The following RILPL1 variants were observed in gnomAD, a reference collection of about 807,000 sequenced individuals.
RILPL1 encodes Rab interacting lysosomal protein like 1, also known as RILP-like protein 1.
RILPL1 carries 33 observed loss-of-function variants against 50.3 expected under a neutral mutation model. That is an observed-to-expected ratio of 0.66 (90% CI 0.50 to 0.88). RILPL1 has a LOEUF of 0.88. Among genes scored for constraint, RILPL1 ranks in the 40% least tolerant of loss-of-function variants. The pLI is 0.00. For synonymous variants in RILPL1, 205 were observed against 228.6 expected (o/e 0.90, Z 0.93); for missense variants, 418 against 542.5 (o/e 0.77, Z 2.28).
At chr12:123,529,502 C>G (rs1885374825) in intron 1 of RILPL1, among the ~76,000 whole-genome samples, 1 of 152,114 alleles carries the variant, frequency 6.6e-6, no homozygotes, top group Non-Finnish European at 1.5e-5. Flanking sequence ...GTCTTGACCT[C>G]CTGACCTCAA....
intron 2 of RILPL1, among the ~76,000 whole-genome samples, chr12:123,517,482 G>A (rs765323109): frequency 6.7e-6 from 1 of 149,638 alleles, no homozygotes; most frequent in Non-Finnish European, 1.5e-5. Context: ...GCGCAGCGGT[G>A]GCAATCTCGG....
chr12:123,528,933 G>C (rs906380765), intron 1 of RILPL1, among the ~76,000 whole-genome samples: 1 of 152,038 alleles, frequency 6.6e-6, no homozygotes, highest in South Asian at 2.1e-4. Context: ...TCTCCTTCAC[G>C]TTCTTCCCTC....
chr12:123,493,784 C>CT (rs34062051), intron 4 of RILPL1, among the ~76,000 whole-genome samples: 14,159 of 134,396 alleles, frequency 0.11, 839 homozygotes, highest in Non-Finnish European at 0.12. Flanking sequence ...GGCCCTGCCT[C>CT]TTTTTTTTTT....
chr12:123,514,933 C>CT (rs57468238), intron 2 of RILPL1, among the ~76,000 whole-genome samples: 406 of 145,198 alleles, frequency 2.8e-3, no homozygotes, highest in Non-Finnish European at 4.3e-3. Flanking sequence ...TACATAAATA[C>CT]TTTTTTTTTT....
At chr12:123,507,006 C>A (rs1393466005) in intron 2 of RILPL1, among the ~76,000 whole-genome samples, 1 of 152,032 alleles carries the variant, frequency 6.6e-6, no homozygotes, top group East Asian at 1.9e-4. Flanking sequence ...AAAGAAGGGG[C>A]AAGAATCCAT....
chr12:123,521,741 A>G lies in RILPL1; in HGVS notation c.460+1754T>C, dbSNP rs1182911137. The stretch of plus-strand genomic sequence containing the variant: ...TATATACACACATATATGTATATAT[A>G]TAAAAATATATATATACACACATAT... On this transcript the variant is annotated intron_variant, in intron 2 of 6. Coordinates refer to ENST00000376874, the MANE Select transcript of RILPL1 (RefSeq NM_178314.5). Among the ~76,000 whole-genome samples the G allele has an allele frequency of 2.8e-5, 4 of 142,012 alleles. No individual in the cohort carries two copies. The Admixed American group carries it at 3.0e-4, about 11-fold the overall frequency. 93.2% of individuals were successfully genotyped at this position (142,012 alleles called of 152,430 possible). A position where few individuals can be genotyped will look rare whatever the true frequency, so the allele number is the denominator to read the frequency against.
chr12:123,521,634 CATATGTGTATATATAT>C (rs1566144329), intron 2 of RILPL1, among the ~76,000 whole-genome samples: 133 of 16,212 alleles, frequency 8.2e-3, no homozygotes, highest in Middle Eastern at 0.042. Context: ...TATATACACA[CATATGTGTATATATAT>C]ACACATATAT....
Position 123,485,495 on chromosome 12 carries a change from C to G in RILPL1, c.974+138G>C, listed in dbSNP as rs761582849. On this transcript the variant is annotated intron_variant, in intron 5 of 6. Coordinates refer to ENST00000376874, the MANE Select transcript of RILPL1 (RefSeq NM_178314.5). This position sits in a 1 kb window ranked among gnomAD's most constrained non-coding sequence, Gnocchi z 4.0. Reference sequence around the variant, plus strand: ...GGGGTTGTGAGCTTGTATGTAAGTTCTTTAGGCCAGAGAGGGTACCCAAAA... The same window carrying G: ...GGGGTTGTGAGCTTGTATGTAAGTTGTTTAGGCCAGAGAGGGTACCCAAAA... 2 of 782,164 alleles carry G rather than the reference C, an allele frequency of 2.6e-6. No individual in the cohort carries two copies. Among genetic ancestry groups the G allele is most frequent in the Non-Finnish European group, 4.1e-6 (2 of 488,950 alleles). The allele number at this position is 782,164 out of a possible 1,614,324, so 48.5% of individuals were successfully genotyped here.
intron 2 of RILPL1, 137 bp downstream of exon 2, chr12:123,523,357 AC>A: frequency 2.0e-6 from 2 of 986,074 alleles, no homozygotes; most frequent in Non-Finnish European, 3.0e-6. Flanking sequence ...GTGCAAATCA[AC>A]ACAATACAGA....
At chr12:123,494,212 C>T (rs1240608093) in intron 4 of RILPL1, among the ~76,000 whole-genome samples, 1 of 152,186 alleles carries the variant, frequency 6.6e-6, no homozygotes, top group African/African-American at 2.4e-5. Flanking sequence ...AAATTGACCA[C>T]CAAAGAGATG....
chr12:123,502,727 G>A (rs1227675449), intron 2 of RILPL1, among the ~76,000 whole-genome samples: 2 of 152,350 alleles, frequency 1.3e-5, no homozygotes, highest in East Asian at 3.9e-4. Flanking sequence ...TGCTATGTCA[G>A]TTTCCTGCAC....
At chr12:123,479,473 A>G (rs1357729236) in intron 6 of RILPL1, among the ~76,000 whole-genome samples, 1 of 152,074 alleles carries the variant, frequency 6.6e-6, no homozygotes, top group Non-Finnish European at 1.5e-5. Context: ...GGAATGAAGG[A>G]TGGAAGGACG....
At chr12:123,527,576 A>T (rs1885304881) in intron 1 of RILPL1, among the ~76,000 whole-genome samples, 1 of 151,606 alleles carries the variant, frequency 6.6e-6, no homozygotes, top group African/African-American at 2.4e-5. Flanking sequence ...GGCAGAGGTT[A>T]CAGTGAGCTG....
At chr12:123,523,865 C>A (rs1885156923) in intron 1 of RILPL1, among the ~76,000 whole-genome samples, 1 of 152,254 alleles carries the variant, frequency 6.6e-6, no homozygotes, top group South Asian at 2.1e-4. Context: ...GCTGTTAGGA[C>A]CTGGCTCAGT....
Position 123,483,113 on chromosome 12 carries a change from G to C in RILPL1, c.1067+1067C>G, listed in dbSNP as rs76268319. ...ACGCCCTGTTTTCACAAAGTTTCTT[G>C]TGGGTTTTGGAGGAAAGAACTGAAA... On this transcript the variant is annotated intron_variant, in intron 6 of 6. Transcript: ENST00000376874. 3.4e-3 allele frequency among the ~76,000 whole-genome samples: 511 copies of C among 152,358 alleles called. 2 individuals carry two copies. The highest frequency in any genetic ancestry group is 0.012 in the African/African-American group (485 of 41,580).
chr12:123,505,637 T>A (rs73412272), intron 2 of RILPL1, among the ~76,000 whole-genome samples: 2,972 of 151,716 alleles, frequency 0.02, 93 homozygotes, highest in African/African-American at 0.069. Flanking sequence ...TTGTTTTCTG[T>A]TTTTTTTGAC....
intron 4 of RILPL1, among the ~76,000 whole-genome samples, chr12:123,492,036 A>T (rs1210062750): frequency 6.6e-6 from 1 of 151,280 alleles, no homozygotes; most frequent in Admixed American, 6.6e-5. Context: ...AATAAAATAA[A>T]ATAGAGGCAG....
intron 2 of RILPL1, 97 bp downstream of exon 2, chr12:123,523,398 C>T (rs76113463): frequency 0.029 from 41,652 of 1,424,566 alleles, 734 homozygotes; most frequent in Non-Finnish European, 0.034. Flanking sequence ...TCAGCCAGCA[C>T]CGCATCAGCG....
chr12:123,525,700 C>CAAAAAAAAA (rs1207503097), intron 1 of RILPL1, among the ~76,000 whole-genome samples: 31 of 44,920 alleles, frequency 6.9e-4, no homozygotes, highest in South Asian at 1.3e-3. Context: ...GACACTGTCT[C>CAAAAAAAAA]AAAAAAAAAA....
Sources: gnomAD v4.1 joint callset for allele counts (sites outside exome capture counted in the v4.1 genomes callset) on GRCh38, gnomAD v4.1.1 for gene constraint, Gnocchi (gnomAD v3.1) non-coding constraint, MANE v1.5 for transcripts, NCBI Gene and HGNC (gene_info 2026-07-23, HGNC 2026-07-21) for gene names.